CHMP3: variants seen among roughly 807,000 people sequenced by gnomAD.
The protein encoded by CHMP3 is charged multivesicular body protein 3, also known as 25.1 protein.
A neutral mutation model predicts 27.4 loss-of-function variants in CHMP3; 8 were observed. The ratio of observed to expected loss-of-function variants is 0.29; its 90% CI spans 0.17 to 0.53. The LOEUF (loss-of-function observed/expected upper bound fraction) is 0.53. Among genes scored for constraint, CHMP3 ranks in the 20% least tolerant of loss-of-function variants. The probability of loss-of-function intolerance (pLI) is 0.96; values close to 1 mark genes in which losing one functional copy is unlikely to be tolerated. For synonymous variants in CHMP3, 86 were observed against 85.5 expected, an observed-to-expected ratio of 1.01 and a Z score of -0.03; for missense variants, 208 against 271.5, an observed-to-expected ratio of 0.77 and a Z score of 1.64.
chr2:86,538,996 C>A (rs138456653), intron 2 of CHMP3, among the ~76,000 whole-genome samples: 1 of 152,184 alleles, frequency 6.6e-6, no homozygotes, highest in Middle Eastern at 3.2e-3. Context: ...GGCCCCCTTA[C>A]GTTACCTTTA....
intron 4 of CHMP3, 84 bp downstream of exon 4, chr2:86,510,270 CCCCA>C: frequency 3.3e-6 from 4 of 1,215,126 alleles, no homozygotes; most frequent in Non-Finnish European, 4.6e-6. Context: ...GTCTGTTCAT[CCCCA>C]CCCACCCTCA....
chr2:86,522,433 T>A (rs1675553486), intron 3 of CHMP3, among the ~76,000 whole-genome samples: 1 of 152,190 alleles, frequency 6.6e-6, no homozygotes, highest in Non-Finnish European at 1.5e-5. Flanking sequence ...AACAACCCTG[T>A]CTAGGAATCC....
chr2:86,529,031 C>T (rs1279345876), intron 3 of CHMP3, among the ~76,000 whole-genome samples, 187 bp downstream of exon 3: 3 of 152,212 alleles, frequency 2.0e-5, no homozygotes. Flanking sequence ...GATTTCATTA[C>T]TATTTAGAAA....
chr2:86,507,618 C>T (rs374082807), intron 4 of CHMP3, 25 bp from the exon 5 acceptor site: 227 of 1,599,386 alleles, frequency 1.4e-4, no homozygotes, highest in Non-Finnish European at 1.9e-4. Context: ...TATGTCACTT[C>T]GGTCAACTGT....
chr2:86,539,584 A>C (rs1435747042), intron 2 of CHMP3, among the ~76,000 whole-genome samples: 2 of 152,150 alleles, frequency 1.3e-5, no homozygotes, highest in Non-Finnish European at 2.9e-5. Flanking sequence ...TAAGCATAGC[A>C]CAAAAAAGGA....
Position 86,545,684 on chromosome 2 carries a change from T to C in CHMP3, c.46-3372A>G, listed in dbSNP as rs559817430. 7.0e-3 allele frequency among the ~76,000 whole-genome samples: 955 copies of C among 135,556 alleles called. 9 individuals are homozygous for C. Among genetic ancestry groups the C allele is most frequent in the African/African-American group, 0.024 (862 of 35,494 alleles). The allele number at this position is 135,556 out of a possible 152,430, so 88.9% of individuals were successfully genotyped here. On this transcript the variant is annotated intron_variant, in intron 1 of 5. Transcript: ENST00000263856. ...GTGGCCGGGCAGAGGCACTCCTCAG[T>C]TCCCAGATAGGGCGGCCAGGCAGAG...
chr2:86,549,573 G>A (rs1676789235), intron 1 of CHMP3, among the ~76,000 whole-genome samples: 1 of 147,760 alleles, frequency 6.8e-6, no homozygotes, highest in African/African-American at 2.5e-5. Context: ...TTGCAGTCAG[G>A]CAGAGACGCC....
intron 3 of CHMP3, chr2:86,512,011 T>C (rs1266876456): frequency 6.6e-6 from 1 of 152,156 alleles, no homozygotes; most frequent in Non-Finnish European, 1.5e-5. Flanking sequence ...ATAAAACTTA[T>C]TACAAAAACA....
rs757534840 is a variant in CHMP3, at chr2:86,563,273, C to T, written c.45+31G>A. The T allele has an allele frequency of 3.7e-6, 6 of 1,613,468 alleles. No homozygotes were observed. The South Asian group carries it at 4.4e-5, about 12-fold the overall frequency. ...CTTCACTACGCCCCACACAGATCCA[C>T]CCGCTTATCTGCCGCCGCCGTAGCC... is the stretch of plus-strand genomic sequence containing the variant. On this transcript the variant is annotated intron_variant, in intron 1 of 5. Coordinates refer to ENST00000263856, the MANE Select transcript of CHMP3 (RefSeq NM_016079.4).
At chr2:86,554,065 T>C (rs770214277) in intron 1 of CHMP3, among the ~76,000 whole-genome samples, 7 of 152,142 alleles carry the variant, frequency 4.6e-5, no homozygotes, top group Non-Finnish European at 8.8e-5. Context: ...TTAATGCCCT[T>C]ATAAAATAGG....
chr2:86,553,123 G>A (rs1343904893), intron 1 of CHMP3, among the ~76,000 whole-genome samples: 3 of 151,298 alleles, frequency 2.0e-5, no homozygotes, highest in Admixed American at 6.6e-5. Context: ...TGATGTGCGC[G>A]GCAAACCACC....
At chr2:86,518,062 G>A (rs546669822) in intron 3 of CHMP3, among the ~76,000 whole-genome samples, 1 of 152,190 alleles carries the variant, frequency 6.6e-6, no homozygotes, top group African/African-American at 2.4e-5. Flanking sequence ...AACAGTGTGG[G>A]TTTTAAAAGC....
At chr2:86,515,106 C>A (rs970646260) in intron 3 of CHMP3, 7 of 152,102 alleles carry the variant, frequency 4.6e-5, no homozygotes, top group South Asian at 2.1e-4. Context: ...CAGGCTCTCT[C>A]CAACTTCAGG....
At chr2:86,544,343 T>C (rs1043146865) in intron 1 of CHMP3, among the ~76,000 whole-genome samples, 75 of 151,146 alleles carry the variant, frequency 5.0e-4, no homozygotes, top group African/African-American at 1.8e-3. Context: ...ACATTTTCTT[T>C]TTTTTTTTTT....
chr2:86,560,760 C>G (rs1027526612), intron 1 of CHMP3, among the ~76,000 whole-genome samples: 1 of 151,170 alleles, frequency 6.6e-6, no homozygotes, highest in Non-Finnish European at 1.5e-5. Context: ...GCAGACTGTA[C>G]GGGAAGCACA....
intron 1 of CHMP3, 34 bp downstream of exon 1, chr2:86,563,270 C>G (rs1044237223): frequency 6.2e-7 from 1 of 1,613,104 alleles, no homozygotes; most frequent in South Asian, 1.1e-5. Flanking sequence ...CCACACAGAT[C>G]CACCCGCTTA....
chr2:86,546,153 G>C (rs1676591693), intron 1 of CHMP3, among the ~76,000 whole-genome samples: 1 of 152,212 alleles, frequency 6.6e-6, no homozygotes, highest in African/African-American at 2.4e-5. Context: ...TCGAGGTCAG[G>C]AGCTGGAGAC....
At chr2:86,507,968 C>T (rs1453672420) in intron 4 of CHMP3, among the ~76,000 whole-genome samples, 4 of 152,028 alleles carry the variant, frequency 2.6e-5, no homozygotes, top group African/African-American at 7.3e-5. Flanking sequence ...AATCCGTGAA[C>T]GCAGGGGTTG....
chr2:86,512,897 G>A (rs937638562), intron 3 of CHMP3, among the ~76,000 whole-genome samples: 5 of 152,232 alleles, frequency 3.3e-5, no homozygotes, highest in Non-Finnish European at 4.4e-5. Context: ...AGAATGTGCA[G>A]CAACAGGAAC....
Sources: gnomAD v4.1 joint callset for allele counts (sites outside exome capture counted in the v4.1 genomes callset) on GRCh38, gnomAD v4.1.1 for gene constraint, MANE v1.5 for transcripts, NCBI Gene and HGNC (gene_info 2026-07-23, HGNC 2026-07-21) for gene names.